Variants in ZCCHC7 observed in about 807,000 individuals in gnomAD.
ZCCHC7 encodes zinc finger CCHC-type containing 7.
Under a neutral mutation model 52.0 loss-of-function variants are expected in ZCCHC7, and 35 were observed. The ratio of observed to expected loss-of-function variants is 0.67; its 90% CI spans 0.51 to 0.89. The LOEUF is 0.89. ZCCHC7 is among the 40% of genes least tolerant of loss of function. The probability of loss-of-function intolerance (pLI) is 0.00; values close to 1 mark genes in which losing one functional copy is unlikely to be tolerated. For missense variants in ZCCHC7, 574 were observed against 649.1 expected (o/e 0.88, Z 1.26); for synonymous variants, 217 against 221.5 (o/e 0.98, Z 0.18).
At chr9:37,224,667 A>G (rs1825003187) in intron 2 of ZCCHC7, among the ~76,000 whole-genome samples, 1 of 152,188 alleles carries the variant, frequency 6.6e-6, no homozygotes, top group African/African-American at 2.4e-5. Context: ...ATCACACTAC[A>G]TTGAAGAGAT....
rs62535717 is a variant in ZCCHC7 at position 37,192,928 on chromosome 9, A to G, written c.610+65986A>G. On this transcript the variant is annotated intron_variant, in intron 2 of 8. Transcript: ENST00000336755. Reference sequence around the variant, plus strand: ...TTTGGGATGCTTATTTAGATGTTCAATGGAACAGTGTGGAGAACAGTAATT... The same window carrying G: ...TTTGGGATGCTTATTTAGATGTTCAGTGGAACAGTGTGGAGAACAGTAATT... 6.0e-3 allele frequency among the ~76,000 whole-genome samples: 920 copies of G among 152,288 alleles called. 7 individuals carry two copies. Among genetic ancestry groups the G allele is most frequent in the African/African-American group, 0.015 (618 of 41,558 alleles).
chr9:37,342,001 G>T (rs1311396193), intron 6 of ZCCHC7, among the ~76,000 whole-genome samples: 2 of 152,126 alleles, frequency 1.3e-5, no homozygotes, highest in Non-Finnish European at 2.9e-5. Context: ...AGAGAGTTTT[G>T]AGCTGAAGAG....
intron 2 of ZCCHC7, among the ~76,000 whole-genome samples, chr9:37,220,483 A>G (rs1221035504): frequency 1.3e-5 from 2 of 152,204 alleles, no homozygotes; most frequent in Non-Finnish European, 2.9e-5. Context: ...CGAAAGTTGC[A>G]GTGAGCTGAG....
chr9:37,259,886 T>TAACAGTTGGTTCTTCATTAA (rs1217944539), intron 2 of ZCCHC7, among the ~76,000 whole-genome samples: 9 of 152,216 alleles, frequency 5.9e-5, no homozygotes, highest in Non-Finnish European at 1.2e-4. Context: ...TCCTTCTCAT[T>TAACAGTTGGTTCTTCATTAA]AACAGTTGGT....
chr9:37,336,949 T>G (rs7856253), intron 6 of ZCCHC7, among the ~76,000 whole-genome samples: 2 of 152,198 alleles, frequency 1.3e-5, no homozygotes, highest in Non-Finnish European at 1.5e-5. Flanking sequence ...AGTGGTAAGA[T>G]ACCCTGTCAC....
intron 7 of ZCCHC7, among the ~76,000 whole-genome samples, chr9:37,350,119 G>GT (rs775985212): frequency 0.014 from 1,699 of 119,046 alleles, 9 homozygotes; most frequent in East Asian, 0.025. Flanking sequence ...TTTGGGGTTT[G>GT]TTTTTTTTTT....
chr9:37,219,931 GGAAGGTTTAGTGAAGGGTGGT>G (rs1396024172), intron 2 of ZCCHC7, among the ~76,000 whole-genome samples: 1 of 152,192 alleles, frequency 6.6e-6, no homozygotes, highest in Non-Finnish European at 1.5e-5. Flanking sequence ...CCTTGGGTGA[GGAAGGTTTAGTGAAGGGTGGT>G]GAAGGTTATT....
intron 8 of ZCCHC7, among the ~76,000 whole-genome samples, chr9:37,355,507 G>T (rs1436311056): frequency 6.6e-6 from 1 of 151,966 alleles, no homozygotes; most frequent in African/African-American, 2.4e-5. Flanking sequence ...CTTAGTTCAG[G>T]ACCTTTCCAA....
At chr9:37,244,441 T>C (rs1289886405) in intron 2 of ZCCHC7, among the ~76,000 whole-genome samples, 1 of 151,884 alleles carries the variant, frequency 6.6e-6, no homozygotes, top group East Asian at 1.9e-4. Context: ...TTAATTTATT[T>C]TATAAAACAG....
chr9:37,287,458 T>TTA (rs1453782673), intron 2 of ZCCHC7, among the ~76,000 whole-genome samples: 1 of 152,162 alleles, frequency 6.6e-6, no homozygotes, highest in Non-Finnish European at 1.5e-5. Flanking sequence ...CAGTAATACT[T>TTA]ATTATAGGTA....
At chr9:37,226,408 TAAAA>T (rs1166266694) in intron 2 of ZCCHC7, among the ~76,000 whole-genome samples, 2 of 151,912 alleles carry the variant, frequency 1.3e-5, no homozygotes, top group East Asian at 3.8e-4. Flanking sequence ...CAGCAGGCTT[TAAAA>T]AAAACTTAAG....
At chr9:37,269,614 GTC>G (rs1827288666) in intron 2 of ZCCHC7, among the ~76,000 whole-genome samples, 1 of 71,524 alleles carries the variant, frequency 1.4e-5, no homozygotes, top group East Asian at 3.9e-4. Flanking sequence ...GTGAGACTCT[GTC>G]TCAAAAAAAA....
chr9:37,325,996 G>A (rs1042646966), intron 5 of ZCCHC7: 10 of 152,240 alleles, frequency 6.6e-5, no homozygotes, highest in African/African-American at 2.4e-4. Flanking sequence ...GTGGCATTCT[G>A]CCAGTGTATG....
At chr9:37,175,266 A>G (rs1175963809) in intron 2 of ZCCHC7, among the ~76,000 whole-genome samples, 1 of 152,188 alleles carries the variant, frequency 6.6e-6, no homozygotes, top group Non-Finnish European at 1.5e-5. Flanking sequence ...TAAGCATGCA[A>G]AACTATATGT....
chr9:37,302,710 T>G (rs1485307043), intron 3 of ZCCHC7, among the ~76,000 whole-genome samples: 1 of 152,198 alleles, frequency 6.6e-6, no homozygotes, highest in African/African-American at 2.4e-5. Flanking sequence ...AAATAAAAGA[T>G]GAAAACTTTT....
chr9:37,284,598 TAA>T (rs3842216), intron 2 of ZCCHC7, among the ~76,000 whole-genome samples: 24 of 151,028 alleles, frequency 1.6e-4, no homozygotes, highest in African/African-American at 4.1e-4. Flanking sequence ...TTTAAATGGT[TAA>T]AAAAAAAATG....
chr9:37,215,707 G>A (rs1824465930), intron 2 of ZCCHC7, among the ~76,000 whole-genome samples: 1 of 152,088 alleles, frequency 6.6e-6, no homozygotes, highest in African/African-American at 2.4e-5. Flanking sequence ...CTGAATGACT[G>A]TCACCTATTT....
At chr9:37,307,433 T>G (rs1408333132) in intron 5 of ZCCHC7, among the ~76,000 whole-genome samples, 2 of 152,198 alleles carry the variant, frequency 1.3e-5, no homozygotes, top group Non-Finnish European at 2.9e-5. Flanking sequence ...AAGTCATTTT[T>G]CATCCTCATA....
At chr9:37,348,390 C>CT (rs201418312) in intron 6 of ZCCHC7, among the ~76,000 whole-genome samples, 1 of 133,174 alleles carries the variant, frequency 7.5e-6, no homozygotes, top group African/African-American at 2.6e-5. Context: ...TTCTTTCTTT[C>CT]TTTTTTGACA....
Sources: gnomAD v4.1 joint callset for allele counts (sites outside exome capture counted in the v4.1 genomes callset) on GRCh38, gnomAD v4.1.1 for gene constraint, MANE v1.5 for transcripts, NCBI Gene and HGNC (gene_info 2026-07-23, HGNC 2026-07-21) for gene names.